MAGI2: variants seen among roughly 807,000 people sequenced by gnomAD.
MAGI2 encodes membrane-associated guanylate kinase, WW and PDZ domain-containing protein 2.
A neutral mutation model predicts 133.3 loss-of-function variants in MAGI2; 35 were observed. The observed-to-expected ratio is 0.26, with a 90% CI of 0.20 to 0.35. The LOEUF is 0.35. Ranked by LOEUF, MAGI2 falls within the 10% of genes least tolerant of loss-of-function variation. The pLI is 1.00. For synonymous variants in MAGI2, 729 were observed against 710.6 expected, an observed-to-expected ratio of 1.03 and a Z score of -0.41; for missense variants, 1,636 against 1,863.4, an observed-to-expected ratio of 0.88 and a Z score of 2.25.
chr7:78,360,402 A>G (rs554410745), intron 7 of MAGI2, among the ~76,000 whole-genome samples: 2 of 152,310 alleles, frequency 1.3e-5, no homozygotes, highest in South Asian at 4.1e-4. Context: ...TGACTCAGCC[A>G]TTTTCACTTT....
intron 3 of MAGI2, among the ~76,000 whole-genome samples, chr7:78,570,076 T>C (rs1801351017): frequency 6.6e-6 from 1 of 152,214 alleles, no homozygotes; most frequent in Non-Finnish European, 1.5e-5. Context: ...TCATAACTAT[T>C]AAGACAGAGT....
intron 13 of MAGI2, among the ~76,000 whole-genome samples, chr7:78,183,560 G>A (rs911024320): frequency 6.6e-6 from 1 of 151,654 alleles, no homozygotes; most frequent in Non-Finnish European, 1.5e-5. Flanking sequence ...CACCGCAATC[G>A]GCCATTTTTG....
chr7:78,861,125 T>C (rs1340497631), intron 2 of MAGI2, among the ~76,000 whole-genome samples: 1 of 152,146 alleles, frequency 6.6e-6, no homozygotes, highest in African/African-American at 2.4e-5. Flanking sequence ...TGTCCCGATT[T>C]TCCAGGTACC....
At chr7:78,313,310 A>C (rs1798877363) in intron 9 of MAGI2, among the ~76,000 whole-genome samples, 1 of 152,160 alleles carries the variant, frequency 6.6e-6, no homozygotes. Flanking sequence ...ATATCTATGT[A>C]ACAAAATTGT....
chr7:78,857,887 T>C (rs1168488370), intron 2 of MAGI2, among the ~76,000 whole-genome samples: 2 of 151,992 alleles, frequency 1.3e-5, no homozygotes, highest in African/African-American at 2.4e-5. Flanking sequence ...TGGTCCTGGA[T>C]TTTTTTTGTT....
chr7:78,037,185 C>T (rs955572146), intron 21 of MAGI2, among the ~76,000 whole-genome samples: 1 of 152,008 alleles, frequency 6.6e-6, no homozygotes, highest in African/African-American at 2.4e-5. Context: ...TCTGGGTGTA[C>T]CTAGCGCAAT....
intron 1 of MAGI2, among the ~76,000 whole-genome samples, chr7:79,058,314 C>A (rs1813357224): frequency 6.6e-6 from 1 of 151,914 alleles, no homozygotes; most frequent in African/African-American, 2.4e-5. Flanking sequence ...GAATCTTATG[C>A]CAAGATAACT....
chr7:79,066,612 A>G (rs1814360815), intron 1 of MAGI2, among the ~76,000 whole-genome samples: 2 of 152,064 alleles, frequency 1.3e-5, no homozygotes, highest in Admixed American at 1.3e-4. Context: ...CTTTAGTTTA[A>G]TTAGATCCCA....
chr7:78,084,667 A>G (rs149772271), intron 20 of MAGI2, among the ~76,000 whole-genome samples: 6 of 152,328 alleles, frequency 3.9e-5, no homozygotes, highest in African/African-American at 1.4e-4. Context: ...GCTAGGATTG[A>G]GAGTAAGAGG....
chr7:78,637,137 C>A (rs1232371314), intron 2 of MAGI2, among the ~76,000 whole-genome samples: 1 of 152,076 alleles, frequency 6.6e-6, no homozygotes, highest in East Asian at 1.9e-4. Context: ...TGGCATTGGC[C>A]CTGGAGTACT....
intron 2 of MAGI2, among the ~76,000 whole-genome samples, chr7:78,655,482 G>T (rs75437693): frequency 1.7e-5 from 1 of 57,322 alleles, no homozygotes; most frequent in Non-Finnish European, 3.9e-5. Context: ...AAAACCACCA[G>T]AAAAAAATGC....
intron 1 of MAGI2, among the ~76,000 whole-genome samples, chr7:79,057,614 C>T (rs1412884324): frequency 6.6e-6 from 1 of 152,170 alleles, no homozygotes; most frequent in Non-Finnish European, 1.5e-5. Flanking sequence ...TATGATATCA[C>T]CTCTTTTAAC....
chr7:78,644,915 A>G (rs1252820735), intron 2 of MAGI2, among the ~76,000 whole-genome samples: 1 of 152,218 alleles, frequency 6.6e-6, no homozygotes, highest in Non-Finnish European at 1.5e-5. Flanking sequence ...AATTATCAGT[A>G]TTACAATGAA....
intron 15 of MAGI2, among the ~76,000 whole-genome samples, chr7:78,166,267 G>A (rs577210274): frequency 4.6e-5 from 7 of 152,242 alleles, no homozygotes; most frequent in African/African-American, 7.2e-5. Flanking sequence ...TTGGTGCATT[G>A]GTTTTGCACT....
chr7:78,580,957 A>G (rs1249264977), intron 3 of MAGI2, among the ~76,000 whole-genome samples: 1 of 152,224 alleles, frequency 6.6e-6, no homozygotes, highest in Non-Finnish European at 1.5e-5. Flanking sequence ...TCTAATTTCA[A>G]TAGAATTTTG....
chr7:78,936,331 A>T (rs1299798637), intron 2 of MAGI2, among the ~76,000 whole-genome samples: 1 of 152,032 alleles, frequency 6.6e-6, no homozygotes, highest in South Asian at 2.1e-4. Context: ...TCATAAAATC[A>T]TAATAAAGCA....
chr7:78,292,689 C>T (rs940101012), intron 9 of MAGI2, among the ~76,000 whole-genome samples: 4 of 152,158 alleles, frequency 2.6e-5, no homozygotes, highest in Admixed American at 6.6e-5. Flanking sequence ...AACTATTTTA[C>T]AAGGCTACAG....
Position 78,579,231 on chromosome 7 carries a change from C to T in MAGI2, c.538+47889G>A, listed in dbSNP as rs570856189. ...AGGAGTGCAAGCTGGGAGCACTAATCTTAATCACAGCTATATTCCAGTAAC... is the reference window on the plus strand; with the variant it reads ...AGGAGTGCAAGCTGGGAGCACTAATTTTAATCACAGCTATATTCCAGTAAC... On this transcript the variant is annotated intron_variant, in intron 3 of 21. Transcript: ENST00000354212. Among the ~76,000 whole-genome samples the T allele has an allele frequency of 2.0e-5, 3 of 152,342 alleles. No homozygotes were observed. In the South Asian group the frequency reaches 6.2e-4, roughly 32 times the overall value.
chr7:79,310,197 A>AAAAAAAAAAT (rs1838168906), intron 1 of MAGI2, among the ~76,000 whole-genome samples: 1 of 90,130 alleles, frequency 1.1e-5, no homozygotes, highest in African/African-American at 6.1e-5. Flanking sequence ...AAAAAAAAAG[A>AAAAAAAAAAT]GAGAGAGAGA....
Sources: allele counts gnomAD v4.1 joint callset (sites outside exome capture counted in the v4.1 genomes callset), GRCh38; gene constraint gnomAD v4.1.1; transcripts MANE v1.5; gene names NCBI Gene and HGNC (gene_info 2026-07-23, HGNC 2026-07-21).